FILIP1: variants seen among roughly 807,000 people sequenced by gnomAD.
The protein encoded by FILIP1 is filamin A interacting protein 1, also known as filamin-A-interacting protein 1.
FILIP1 carries 61 observed loss-of-function variants against 102.1 expected under a neutral mutation model. The observed-to-expected ratio is 0.60, with a 90% confidence interval of 0.49 to 0.74. The LOEUF is 0.74. FILIP1 is among the 30% of genes least tolerant of loss of function. The probability of loss-of-function intolerance (pLI) is 0.00; values close to 1 mark genes in which losing one functional copy is unlikely to be tolerated. For missense variants in FILIP1, 1,314 were observed against 1,441.2 expected (o/e 0.91, Z 1.43); for synonymous variants, 491 against 526.9 (o/e 0.93, Z 0.93).
intron 3 of FILIP1, chr6:75,358,621 G>A (rs1029023614): frequency 1.3e-5 from 2 of 152,208 alleles, no homozygotes; most frequent in Admixed American, 6.5e-5. Context: ...AATCTGGGAA[G>A]ATCAGGGTAA....
intron 3 of FILIP1, among the ~76,000 whole-genome samples, chr6:75,354,600 C>A (rs867840095): frequency 6.6e-6 from 1 of 151,026 alleles, no homozygotes; most frequent in South Asian, 2.1e-4. Flanking sequence ...ACCTTTTAAC[C>A]ATTTTGGTGG....
In FILIP1 at chr6:75,313,762, C is replaced by T; in HGVS notation, c.2070G>A (p.Lys690=). Residue 690 remains lysine, a synonymous_variant, in exon 5 of 6, where the codon AAG becomes AAA. Coordinates refer to ENST00000237172, the MANE Select transcript of FILIP1 (RefSeq NM_015687.5). This position sits in a 1 kb window ranked among gnomAD's most constrained non-coding sequence, Gnocchi z 4.2. ...QLEEIKHQIA[K]NKAIEKGEVV... ...CCTCACCCTTCTCTATTGCTTTATTCTTGGCAATTTGGTGCTTGATCTCCT... is the reference window on the plus strand; with the variant it reads ...CCTCACCCTTCTCTATTGCTTTATTTTTGGCAATTTGGTGCTTGATCTCCT... 2 of 1,595,858 alleles carry T rather than the reference C, an allele frequency of 1.3e-6. No homozygotes were observed. Among genetic ancestry groups the T allele is most frequent in the Non-Finnish European group, 1.7e-6 (2 of 1,173,412 alleles).
chr6:75,318,952 T>C (rs966222186), intron 4 of FILIP1: 3 of 559,922 alleles, frequency 5.4e-6, no homozygotes, highest in Non-Finnish European at 9.5e-6. Context: ...TTCAATTTTT[T>C]TCTTTAAAAA....
In FILIP1 at chr6:75,493,534, A is replaced by G. The variant is rs1780029948; in HGVS notation, c.-127T>C. The stretch of plus-strand genomic sequence containing the variant: ...CGAGTTCTCAAAAACTATCCAGCCC[A>G]AAAGAATACAGAGGAAAAAGCTTTT... On this transcript the variant is annotated 5_prime_UTR_variant, in exon 1 of 6. Coordinates refer to ENST00000237172, the MANE Select transcript of FILIP1 (RefSeq NM_015687.5). 6.6e-6 allele frequency: 1 copy of G among 152,218 alleles called. No individual in the cohort carries two copies. Among genetic ancestry groups the G allele is most frequent in the South Asian group, 2.1e-4 (1 of 4,828 alleles). The allele number at this position is 152,218 out of a possible 1,614,324, so 9.4% of individuals were successfully genotyped here. A position where few individuals can be genotyped will look rare whatever the true frequency, so the allele number is the denominator to read the frequency against.
chr6:75,389,997 AAAACAAAC>A (rs200546668), intron 2 of FILIP1, among the ~76,000 whole-genome samples: 7 of 152,110 alleles, frequency 4.6e-5, no homozygotes, highest in East Asian at 1.9e-4. Context: ...TCCAAAGCTT[AAAACAAAC>A]AAACAAACAA....
intron 1 of FILIP1, among the ~76,000 whole-genome samples, chr6:75,431,476 T>C (rs1777820969): frequency 6.6e-6 from 1 of 152,210 alleles, no homozygotes; most frequent in South Asian, 2.1e-4. Context: ...CCTTGTTTTC[T>C]GTTCACCCCT....
At chr6:75,442,318 C>T (rs1204746109) in intron 1 of FILIP1, among the ~76,000 whole-genome samples, 1 of 151,190 alleles carries the variant, frequency 6.6e-6, no homozygotes, top group African/African-American at 2.4e-5. Flanking sequence ...GATGGATGGC[C>T]AGGCAGAGAC....
chr6:75,442,631 G>A (rs1463602109), intron 1 of FILIP1, among the ~76,000 whole-genome samples: 2 of 152,262 alleles, frequency 1.3e-5, no homozygotes, highest in Non-Finnish European at 2.9e-5. Flanking sequence ...GCGCGCGCCT[G>A]CAATCGCAGG....
At chr6:75,310,116 T>C (rs1773129010) in intron 5 of FILIP1, among the ~76,000 whole-genome samples, 1 of 152,254 alleles carries the variant, frequency 6.6e-6, no homozygotes, top group Non-Finnish European at 1.5e-5. Context: ...GCGCAACTGT[T>C]AGCAGCACAA....
At chr6:75,431,861 A>T (rs954157001) in intron 1 of FILIP1, among the ~76,000 whole-genome samples, 2 of 152,172 alleles carry the variant, frequency 1.3e-5, no homozygotes, top group Non-Finnish European at 2.9e-5. Context: ...ACAAATCAAA[A>T]CCTCAAAAGA....
chr6:75,442,373 C>A (rs1778294531), intron 1 of FILIP1, among the ~76,000 whole-genome samples: 1 of 152,200 alleles, frequency 6.6e-6, no homozygotes, highest in South Asian at 2.1e-4. Context: ...AGAGGCTGCA[C>A]TCTCGGCACT....
chr6:75,336,644 A>G (rs1319852456), intron 4 of FILIP1, among the ~76,000 whole-genome samples: 1 of 152,202 alleles, frequency 6.6e-6, no homozygotes, highest in Non-Finnish European at 1.5e-5. Flanking sequence ...GCCATATTAA[A>G]TCAATATTTA....
In FILIP1 at chr6:75,362,781, G is replaced by C; in HGVS notation, c.413C>G (p.Ser138Cys). ...TTTCTCATAGACATCTTCTCCTATG[G>C]ATTTCTCCTGGGCAAGAATGGCATC... ...HRDAILAQEKSIGEDVYEKPI... is the reference protein window; with the variant it reads ...HRDAILAQEKCIGEDVYEKPI... Residue 138 changes from serine to cysteine, a missense_variant, in exon 3 of 6, where the codon TCC becomes TGC. Around this residue, in one of 3 missense-constraint regions of FILIP1, gnomAD observed 494 missense variants for 511.2 expected, o/e 0.97. Coordinates refer to ENST00000237172, the MANE Select transcript of FILIP1 (RefSeq NM_015687.5). The C allele has an allele frequency of 6.2e-7, 1 of 1,613,576 alleles. No individual in the cohort carries two copies. The highest frequency in any genetic ancestry group is 8.5e-7 in the Non-Finnish European group (1 of 1,179,978).
rs1383417516 is a variant in FILIP1, at chr6:75,314,051, T to C, written c.1781A>G (p.Asp594Gly). The change falls in exon 5 of 6, where the codon GAC (aspartate) becomes GGC (glycine). Residue 594 changes from aspartate to glycine, a missense_variant. Asp to Gly is a moderately conservative substitution (Grantham distance 94). Transcript: ENST00000237172. ...ACCATCAAGTCTCTTCTTTAGTAAG[T>C]CAACACTGCAGCTTAATTCAGAGGA... ...EKSSELSCSVDLLKKRLDGIE... is the reference protein window; with the variant it reads ...EKSSELSCSVGLLKKRLDGIE... The C allele has an allele frequency of 6.6e-7, 1 of 1,519,202 alleles. No individual in the cohort carries two copies. The highest frequency in any genetic ancestry group is 1.4e-5 in the African/African-American group (1 of 71,076). The allele number at this position is 1,519,202 out of a possible 1,614,324, so 94.1% of individuals were successfully genotyped here. A position where few individuals can be genotyped will look rare whatever the true frequency, so the allele number is the denominator to read the frequency against.
chr6:75,438,797 C>A (rs1051158136), intron 1 of FILIP1, among the ~76,000 whole-genome samples: 2 of 152,182 alleles, frequency 1.3e-5, no homozygotes. Flanking sequence ...TAGAATGCAA[C>A]TAGTGGAAGC....
At chr6:75,328,212 T>C (rs1329074186) in intron 4 of FILIP1, among the ~76,000 whole-genome samples, 2 of 152,226 alleles carry the variant, frequency 1.3e-5, no homozygotes, top group South Asian at 2.1e-4. Context: ...AATTATATTG[T>C]TGAGAAATAA....
In FILIP1 at chr6:75,413,103, T is replaced by C. The variant is rs757106594; in HGVS notation, c.276+1594A>G. Among the ~76,000 whole-genome samples, 16 of 152,248 alleles carry C rather than the reference T, an allele frequency of 1.1e-4. No individual in the cohort carries two copies. In the South Asian group the frequency reaches 1.2e-3, roughly 12 times the overall value. On this transcript the variant is annotated intron_variant, in intron 2 of 5. Coordinates refer to ENST00000237172, the MANE Select transcript of FILIP1 (RefSeq NM_015687.5). ...CACCACTATAAACATAAAAACCACA[T>C]GAATCTTAAATACTTTCCAGAGTTC...
chr6:75,392,980 T>C (rs113403028), intron 2 of FILIP1, among the ~76,000 whole-genome samples: 1,591 of 152,290 alleles, frequency 0.01, 33 homozygotes, highest in African/African-American at 0.037. Context: ...TTGTAAATTG[T>C]CCAGTCTCAG....
chr6:75,345,602 C>G (rs928888063), intron 4 of FILIP1, among the ~76,000 whole-genome samples: 1 of 152,132 alleles, frequency 6.6e-6, no homozygotes, highest in Non-Finnish European at 1.5e-5. Flanking sequence ...GGGTGACCAG[C>G]CTTTTCCGTG....
Sources: allele counts gnomAD v4.1 joint callset (sites outside exome capture counted in the v4.1 genomes callset), GRCh38; gene constraint gnomAD v4.1.1; regional missense constraint gnomAD v4.1.1; non-coding constraint Gnocchi (gnomAD v3.1); transcripts MANE v1.5; gene names NCBI Gene and HGNC (gene_info 2026-07-23, HGNC 2026-07-21).